DHX32: variants seen among roughly 807,000 people sequenced by gnomAD.
DHX32 encodes DEAH-box helicase 32 (putative).
Under a neutral mutation model 70.0 loss-of-function variants are expected in DHX32, and 51 were observed. The observed-to-expected ratio is 0.73, with a 90% CI of 0.58 to 0.92. The LOEUF is 0.92. DHX32 is among the 40% of genes least tolerant of loss of function. The probability of loss-of-function intolerance (pLI) is 0.00; values close to 1 mark genes in which losing one functional copy is unlikely to be tolerated. For synonymous variants in DHX32, 310 were observed against 315.3 expected (o/e 0.98, Z 0.18); for missense variants, 762 against 891.8 (o/e 0.85, Z 1.85).
chr10:125,848,775 A>G (rs1169035003), intron 6 of DHX32, among the ~76,000 whole-genome samples: 2 of 152,200 alleles, frequency 1.3e-5, no homozygotes, highest in Non-Finnish European at 2.9e-5. Context: ...CACTCAGACG[A>G]TGACTGTGCT....
chr10:125,842,184 G>T, intron 6 of DHX32: 1 of 436,032 alleles, frequency 2.3e-6, no homozygotes, highest in Non-Finnish European at 3.9e-6. Context: ...CATGCGGGGG[G>T]AACCCAGGTG....
chr10:125,864,063 C>T (rs931594898), intron 2 of DHX32, among the ~76,000 whole-genome samples: 3 of 152,126 alleles, frequency 2.0e-5, no homozygotes, highest in Non-Finnish European at 4.4e-5. Flanking sequence ...CTTTGACAGC[C>T]ATGTTGCCTC....
chr10:125,893,329 C>T (rs1224430997), intron 1 of DHX32, among the ~76,000 whole-genome samples: 1 of 152,162 alleles, frequency 6.6e-6, no homozygotes, highest in Non-Finnish European at 1.5e-5. Context: ...CTGCAAGCTC[C>T]GCCTCCCGGG....
At position 125,854,070 on chromosome 10, in the gene DHX32, C is replaced by CT. The variant is rs757784865; in HGVS notation, c.982dup (p.Arg328LysfsTer14). On this transcript the variant is annotated frameshift_variant, in exon 4 of 11. Coordinates refer to ENST00000284690, the MANE Select transcript of DHX32 (RefSeq NM_018180.3). LOFTEE classifies it high-confidence loss of function. ...CACTCTTCTTTGATAAACTTGGCATCTTTTTTCTGTTTCATCGAGTGGCTT... is the reference window on the plus strand; with the variant it reads ...CACTCTTCTTTGATAAACTTGGCATCTTTTTTTCTGTTTCATCGAGTGGCTT... 7 of 1,614,102 alleles carry CT rather than the reference C, an allele frequency of 4.3e-6. No individual in the cohort carries two copies. Among genetic ancestry groups the CT allele is most frequent in the Non-Finnish European group, 5.9e-6 (7 of 1,180,004 alleles).
At chr10:125,851,329 C>A (rs1394838114) in intron 6 of DHX32, among the ~76,000 whole-genome samples, 1 of 152,148 alleles carries the variant, frequency 6.6e-6, no homozygotes. Flanking sequence ...TTACCCTAAC[C>A]CTTTTGTCCC....
chr10:125,838,894 A>C (rs1403760648), intron 9 of DHX32, 107 bp downstream of exon 9: 2 of 1,246,324 alleles, frequency 1.6e-6, no homozygotes, highest in Non-Finnish European at 2.2e-6. Context: ...ATGGATTTTT[A>C]GTTTTACTTA....
upstream of DHX32, among the ~76,000 whole-genome samples, chr10:125,884,592 T>A (rs999166331): frequency 3.3e-5 from 5 of 152,204 alleles, no homozygotes; most frequent in African/African-American, 9.6e-5. Flanking sequence ...ACAGACAACC[T>A]TAACAAGGTA....
At position 125,867,122 on chromosome 10, in the gene DHX32, C is replaced by T; in HGVS notation, c.344G>A (p.Cys115Tyr). The T allele has an allele frequency of 6.2e-7, 1 of 1,614,214 alleles. No homozygotes were observed. ...CACAGTCTGCTTGTGGACCTGTGTG[C>T]ATATCACGCCCCCGTGCTGGTAGTG... ...SIHYQHGGVI[C>Y]TQVHKQTVVQ... The change falls in exon 2 of 11, where the codon TGC (cysteine) becomes TAC (tyrosine). Residue 115 changes from cysteine (C) to tyrosine (Y), a missense_variant. Cys to Tyr is a radical substitution (Grantham distance 194). Coordinates refer to ENST00000284690, the MANE Select transcript of DHX32 (RefSeq NM_018180.3).
intron 1 of DHX32, among the ~76,000 whole-genome samples, chr10:125,871,867 T>C (rs1944257796): frequency 6.7e-6 from 1 of 150,192 alleles, no homozygotes; most frequent in Non-Finnish European, 1.5e-5. Flanking sequence ...CTTTTCTTTT[T>C]TTTTTTTTTT....
At chr10:125,894,980 T>A (rs1201508611) in intron 1 of DHX32, among the ~76,000 whole-genome samples, 1 of 152,306 alleles carries the variant, frequency 6.6e-6, no homozygotes, top group Non-Finnish European at 1.5e-5. Context: ...TTCCATGAAG[T>A]GTTTACTTTC....
In DHX32 at chr10:125,859,029, TTTTG is replaced by T. The variant is rs936137218; in HGVS notation, c.849+570_849+573del. ...AGAAATCTGAGTTAAAGGTTTTTTT[TTTTG>T]TTTGTTTGTTTGTTTTTTTTTTTTT... On this transcript the variant is annotated intron_variant, in intron 3 of 10. Transcript: ENST00000284690. 4.7e-3 allele frequency among the ~76,000 whole-genome samples: 696 copies of T among 146,676 alleles called. 7 individuals carry two copies. The highest frequency in any genetic ancestry group is 0.016 in the African/African-American group (619 of 39,484).
rs1437772160 is a variant in DHX32, at chr10:125,880,408, T to A, written c.282+135A>T. 13 of 922,234 alleles carry A rather than the reference T, an allele frequency of 1.4e-5. No homozygotes were observed. The East Asian group carries it at 3.6e-4, about 26-fold the overall frequency. 57.1% of individuals were successfully genotyped at this position (922,234 alleles called of 1,614,324 possible). A position where few individuals can be genotyped will look rare whatever the true frequency, so the allele number is the denominator to read the frequency against. ...AATTAATAAAATTAGGTACGTGATTTAATTATTTTATCTGAATAATGTTTT... is the reference window on the plus strand; with the variant it reads ...AATTAATAAAATTAGGTACGTGATTAAATTATTTTATCTGAATAATGTTTT... On this transcript the variant is annotated intron_variant, in intron 1 of 10. Coordinates refer to ENST00000284690, the MANE Select transcript of DHX32 (RefSeq NM_018180.3).
upstream of DHX32, among the ~76,000 whole-genome samples, chr10:125,883,137 G>A (rs1944327530): frequency 6.6e-6 from 1 of 152,114 alleles, no homozygotes; most frequent in African/African-American, 2.4e-5. Flanking sequence ...TTTGAACCCT[G>A]AGGAAATAAT....
intron 1 of DHX32, among the ~76,000 whole-genome samples, chr10:125,889,013 T>A (rs945555253): frequency 2.6e-5 from 4 of 152,202 alleles, no homozygotes; most frequent in Non-Finnish European, 5.9e-5. Flanking sequence ...TGAGCTGAAG[T>A]GCGCCACTGC....
chr10:125,863,468 G>A (rs149691725), intron 2 of DHX32, among the ~76,000 whole-genome samples: 1 of 147,550 alleles, frequency 6.8e-6, no homozygotes, highest in African/African-American at 2.5e-5. Context: ...TTTTTTTTGA[G>A]ATGGAGTCTC....
Position 125,867,029 on chromosome 10 carries a change from A to G in DHX32, c.437T>C (p.Ile146Thr). ...VNIGHEVGYV[I>T]PFENCCTNET... ...GTTGGTACAGCAGTTCTCGAAAGGG[A>G]TCACGTAGCCAACCTCATGACCAAT... Residue 146 changes from isoleucine to threonine, a missense_variant, in exon 2 of 11, where the codon ATC becomes ACC. This residue lies in a region of DHX32 where 394 missense variants were observed against 473.1 expected (regional missense o/e 0.83). Coordinates refer to ENST00000284690, the MANE Select transcript of DHX32 (RefSeq NM_018180.3). 6.2e-7 allele frequency: 1 copy of G among 1,614,222 alleles called. No homozygotes were observed. Among genetic ancestry groups the G allele is most frequent in the Non-Finnish European group, 8.5e-7 (1 of 1,180,024 alleles).
At chr10:125,865,637 T>C (rs1660289736) in intron 2 of DHX32, among the ~76,000 whole-genome samples, 2 of 152,170 alleles carry the variant, frequency 1.3e-5, no homozygotes, top group African/African-American at 4.8e-5. Flanking sequence ...TCAAGTGATC[T>C]TTCCGCTTCA....
At chr10:125,844,065 T>A (rs1231663989) in intron 6 of DHX32, among the ~76,000 whole-genome samples, 3 of 152,236 alleles carry the variant, frequency 2.0e-5, no homozygotes, top group Non-Finnish European at 2.9e-5. Flanking sequence ...TACTTGTTCA[T>A]TCTTGGGGAC....
chr10:125,878,879 T>C (rs1944299922), intron 1 of DHX32, among the ~76,000 whole-genome samples: 1 of 151,464 alleles, frequency 6.6e-6, no homozygotes, highest in South Asian at 2.1e-4. Flanking sequence ...CAGCTAATTT[T>C]TGTATTTTTT....
Sources: allele counts gnomAD v4.1 joint callset (sites outside exome capture counted in the v4.1 genomes callset), GRCh38; gene constraint gnomAD v4.1.1; regional missense constraint gnomAD v4.1.1; transcripts MANE v1.5; gene names NCBI Gene and HGNC (gene_info 2026-07-23, HGNC 2026-07-21).